The following SOCS5 variants were observed in gnomAD, a reference collection of about 807,000 sequenced individuals.
The protein encoded by SOCS5 is suppressor of cytokine signaling 5.
Under a neutral mutation model 42.8 loss-of-function variants are expected in SOCS5, and 32 were observed. The ratio of observed to expected loss-of-function variants is 0.75; its 90% CI spans 0.56 to 1.01. SOCS5 has a LOEUF of 1.01. Among genes scored for constraint, SOCS5 ranks in the 50% least tolerant of loss-of-function variants. The pLI is 0.00. For synonymous variants in SOCS5, 283 were observed against 229.6 expected, an observed-to-expected ratio of 1.23 and a Z score of -2.10; for missense variants, 627 against 653.0, an observed-to-expected ratio of 0.96 and a Z score of 0.43.
At chr2:46,722,506 T>C (rs960723102) in intron 1 of SOCS5, among the ~76,000 whole-genome samples, 6 of 152,196 alleles carry the variant, frequency 3.9e-5, no homozygotes, top group African/African-American at 1.4e-4. Context: ...TATGTATCAA[T>C]GGTTGATTCC....
At chr2:46,700,933 A>G (rs1427569496) in intron 1 of SOCS5, among the ~76,000 whole-genome samples, 1 of 152,224 alleles carries the variant, frequency 6.6e-6, no homozygotes, top group Non-Finnish European at 1.5e-5. Flanking sequence ...ACTTAAACAT[A>G]TTTTGGAAAA....
intron 1 of SOCS5, among the ~76,000 whole-genome samples, chr2:46,709,142 C>T (rs1412906250): frequency 1.3e-5 from 2 of 152,142 alleles, no homozygotes; most frequent in Admixed American, 1.3e-4. Flanking sequence ...CCTTGGCCTC[C>T]CAAAGTGCTG....
intron 1 of SOCS5, among the ~76,000 whole-genome samples, chr2:46,752,740 C>A (rs1422793860): frequency 6.6e-6 from 1 of 152,174 alleles, no homozygotes; most frequent in Non-Finnish European, 1.5e-5. Context: ...TCCATGACAG[C>A]CACAACAGCA....
rs1673386735 is a variant in SOCS5, at chr2:46,741,870, C to T, written c.-12-16649C>T. ...ATATTTCCTGCATATAAATCTCCAT[C>T]CTTATCTGATTATGTTCTTGGAATA... On this transcript the variant is annotated intron_variant, in intron 1 of 1. Transcript: ENST00000394861. Among the ~76,000 whole-genome samples the T allele has an allele frequency of 2.0e-5, 3 of 152,124 alleles. No homozygotes were observed. In the South Asian group the frequency reaches 6.2e-4, roughly 32 times the overall value.
At chr2:46,757,589 G>A (rs938827642) in intron 1 of SOCS5, among the ~76,000 whole-genome samples, 2 of 150,930 alleles carry the variant, frequency 1.3e-5, no homozygotes, top group African/African-American at 4.8e-5. Flanking sequence ...TTTCCTGGCC[G>A]GGCATGGTGG....
At chr2:46,707,825 A>T (rs1672532043) in intron 1 of SOCS5, among the ~76,000 whole-genome samples, 2 of 152,206 alleles carry the variant, frequency 1.3e-5, no homozygotes, top group African/African-American at 4.8e-5. Flanking sequence ...TGAAAATATC[A>T]TTAGGTCAGA....
At chr2:46,700,084 T>C (rs1203027620) in intron 1 of SOCS5, among the ~76,000 whole-genome samples, 1 of 152,148 alleles carries the variant, frequency 6.6e-6, no homozygotes, top group Non-Finnish European at 1.5e-5. Context: ...TAAGAGTCTT[T>C]GATGTGGGGT....
At chr2:46,719,145 CAGG>C (rs1048337378) in intron 1 of SOCS5, among the ~76,000 whole-genome samples, 1 of 152,012 alleles carries the variant, frequency 6.6e-6, no homozygotes, top group Admixed American at 6.6e-5. Flanking sequence ...AAATAACTGG[CAGG>C]AGATGGAAAA....
At position 46,699,944 on chromosome 2, in the gene SOCS5, G is replaced by A. The variant is rs1384648784; in HGVS notation, c.-13+495G>A. The stretch of plus-strand genomic sequence containing the variant: ...GTCGAGGAGAAAAGATCCTCTTGGG[G>A]ATGAGGGAGGGAACCAATGAGTACA... On this transcript the variant is annotated intron_variant, in intron 1 of 1. Coordinates refer to ENST00000394861, the MANE Select transcript of SOCS5 (RefSeq NM_144949.3). The surrounding 1 kb of genome is among the most constrained non-coding windows in gnomAD (Gnocchi z 4.8). Among the ~76,000 whole-genome samples the A allele has an allele frequency of 6.6e-6, 1 of 152,120 alleles. No homozygotes were observed. Among genetic ancestry groups the A allele is most frequent in the African/African-American group, 2.4e-5 (1 of 41,422 alleles).
At chr2:46,710,869 A>G (rs1053881263) in intron 1 of SOCS5, among the ~76,000 whole-genome samples, 2 of 152,340 alleles carry the variant, frequency 1.3e-5, no homozygotes, top group African/African-American at 4.8e-5. Context: ...CCGTGGCTGC[A>G]GTCACTGTTC....
intron 1 of SOCS5, among the ~76,000 whole-genome samples, chr2:46,711,883 G>A (rs770879555): frequency 2.6e-5 from 4 of 152,150 alleles, no homozygotes; most frequent in Admixed American, 6.5e-5. Context: ...TTGTTAAAGC[G>A]CAGTTAATGG....
intron 1 of SOCS5, among the ~76,000 whole-genome samples, chr2:46,706,590 A>G (rs1449793364): frequency 6.6e-6 from 1 of 152,232 alleles, no homozygotes; most frequent in Non-Finnish European, 1.5e-5. Flanking sequence ...ACTTTATAAA[A>G]TGCTGAATGG....
chr2:46,750,637 G>T (rs1673602384), intron 1 of SOCS5, among the ~76,000 whole-genome samples: 1 of 152,112 alleles, frequency 6.6e-6, no homozygotes, highest in South Asian at 2.1e-4. Context: ...AGAACCATTT[G>T]TTACAATAAT....
intron 1 of SOCS5, among the ~76,000 whole-genome samples, chr2:46,754,416 T>C (rs1452689851): frequency 6.6e-6 from 1 of 152,186 alleles, no homozygotes; most frequent in Non-Finnish European, 1.5e-5. Context: ...TTCAGAGTCA[T>C]TCAACTTTAT....
At chr2:46,715,386 GAAAAGAA>G (rs1558401493) in intron 1 of SOCS5, among the ~76,000 whole-genome samples, 2 of 145,526 alleles carry the variant, frequency 1.4e-5, no homozygotes, top group African/African-American at 2.5e-5. Context: ...AAAAAAAAAA[GAAAAGAA>G]AAAAGAAAAA....
chr2:46,717,126 A>G (rs6544918), intron 1 of SOCS5, among the ~76,000 whole-genome samples: 107,531 of 152,044 alleles, frequency 0.71, 39,060 homozygotes, highest in African/African-American at 0.86. Context: ...CCCCTTTTGC[A>G]TGTTTTTGGA....
intron 1 of SOCS5, among the ~76,000 whole-genome samples, chr2:46,755,367 A>G (rs1024171600): frequency 2.6e-5 from 4 of 152,156 alleles, no homozygotes; most frequent in Non-Finnish European, 5.9e-5. Flanking sequence ...ACTAGTTGGC[A>G]TTAAGAAGGA....
chr2:46,710,653 A>G (rs1355417195), intron 1 of SOCS5, among the ~76,000 whole-genome samples: 1 of 152,202 alleles, frequency 6.6e-6, no homozygotes, highest in African/African-American at 2.4e-5. Context: ...CCTATAGCTA[A>G]CATCATATTC....
At position 46,760,024 on chromosome 2, in the gene SOCS5, T is replaced by C. The variant is rs1470395571; in HGVS notation, c.1494T>C (p.Tyr498=). ...CGGTAATCTGCAGGTGCACTACGTA[T>C]GATGGAATTGATGGGCTCCCTCTAC... is the stretch of plus-strand genomic sequence containing the variant. ...CRAVICRCTT[Y]DGIDGLPLPS... The change falls in exon 2 of 2, where the codon TAT becomes TAC. Residue 498 remains tyrosine, a synonymous_variant. Transcript: ENST00000394861. 2 of 1,614,114 alleles carry C rather than the reference T, an allele frequency of 1.2e-6. No homozygotes were observed. Among genetic ancestry groups the C allele is most frequent in the East Asian group, 2.2e-5 (1 of 44,882 alleles).
Sources: gnomAD v4.1 joint callset for allele counts (sites outside exome capture counted in the v4.1 genomes callset) on GRCh38, gnomAD v4.1.1 for gene constraint, Gnocchi (gnomAD v3.1) non-coding constraint, MANE v1.5 for transcripts, NCBI Gene and HGNC (gene_info 2026-07-23, HGNC 2026-07-21) for gene names.